CNTNAP2: variants seen among roughly 807,000 people sequenced by gnomAD.
The protein encoded by CNTNAP2 is contactin-associated protein-like 2.
In CNTNAP2, 98 loss-of-function variants were observed where a neutral mutation model predicts 155.2. That is an observed-to-expected ratio of 0.63 (90% confidence interval 0.54 to 0.75). The LOEUF is 0.75. CNTNAP2 is among the 30% of genes least tolerant of loss of function. The probability of loss-of-function intolerance (pLI) is 0.00; values close to 1 mark genes in which losing one functional copy is unlikely to be tolerated. For synonymous variants in CNTNAP2, 651 were observed against 631.2 expected, an observed-to-expected ratio of 1.03 and a Z score of -0.47; for missense variants, 1,727 against 1,688.1, an observed-to-expected ratio of 1.02 and a Z score of -0.40.
chr7:147,284,072 G>C (rs1011257432), intron 8 of CNTNAP2, among the ~76,000 whole-genome samples: 4 of 151,454 alleles, frequency 2.6e-5, no homozygotes, highest in African/African-American at 9.7e-5. Flanking sequence ...TTAATGTTTA[G>C]AGTCATCCAG....
chr7:147,217,476 C>G (rs2116585647), intron 8 of CNTNAP2, among the ~76,000 whole-genome samples: 1 of 151,830 alleles, frequency 6.6e-6, no homozygotes, highest in African/African-American at 2.4e-5. Context: ...AAATATTGAA[C>G]CAGTCTTGTA....
chr7:147,094,281 GTAT>G (rs764883286), intron 4 of CNTNAP2, among the ~76,000 whole-genome samples: 3 of 151,898 alleles, frequency 2.0e-5, no homozygotes, highest in Non-Finnish European at 4.4e-5. Context: ...GGCCACTTAG[GTAT>G]ACCTTAAGAA....
intron 13 of CNTNAP2, among the ~76,000 whole-genome samples, chr7:147,821,210 G>T (rs553416957): frequency 1.3e-4 from 20 of 152,024 alleles, no homozygotes; most frequent in Non-Finnish European, 2.8e-4. Flanking sequence ...ATTATGAAAA[G>T]ATTAATTTTT....
intron 1 of CNTNAP2, among the ~76,000 whole-genome samples, chr7:146,654,570 A>C (rs2129164585): frequency 6.6e-6 from 1 of 152,314 alleles, no homozygotes; most frequent in African/African-American, 2.4e-5. Flanking sequence ...ATACAGAAAT[A>C]GTCAAAAAAT....
chr7:147,893,101 G>A (rs993782834), intron 13 of CNTNAP2, among the ~76,000 whole-genome samples: 1 of 152,274 alleles, frequency 6.6e-6, no homozygotes, highest in East Asian at 1.9e-4. Flanking sequence ...TATTAACATA[G>A]AACAATGTAG....
At chr7:148,045,173 C>T (rs1022977844) in intron 15 of CNTNAP2, among the ~76,000 whole-genome samples, 1 of 152,168 alleles carries the variant, frequency 6.6e-6, no homozygotes, top group African/African-American at 2.4e-5. Flanking sequence ...CAGCCTGCCT[C>T]TCAGGGCCAA....
At chr7:147,429,715 C>A (rs1797436123) in intron 10 of CNTNAP2, among the ~76,000 whole-genome samples, 1 of 152,076 alleles carries the variant, frequency 6.6e-6, no homozygotes, top group African/African-American at 2.4e-5. Context: ...AGTCTTTGAT[C>A]CATCTTGAGT....
chr7:147,339,165 C>G (rs66529387), intron 9 of CNTNAP2, among the ~76,000 whole-genome samples: 4 of 150,708 alleles, frequency 2.7e-5, no homozygotes, highest in African/African-American at 9.8e-5. Context: ...ATAACTATTG[C>G]TATTGCTGTG....
intron 1 of CNTNAP2, among the ~76,000 whole-genome samples, chr7:146,653,467 CTA>C (rs1799948444): frequency 6.6e-6 from 1 of 152,094 alleles, no homozygotes; most frequent in Admixed American, 6.6e-5. Flanking sequence ...GAGAATGTCT[CTA>C]TGTTTAATAA....
At chr7:147,453,383 T>G (rs1383938990) in intron 10 of CNTNAP2, among the ~76,000 whole-genome samples, 1 of 152,160 alleles carries the variant, frequency 6.6e-6, no homozygotes, top group Non-Finnish European at 1.5e-5. Flanking sequence ...CTTTTCTCAT[T>G]ATTGTGTACC....
intron 1 of CNTNAP2, among the ~76,000 whole-genome samples, chr7:146,742,521 T>C (rs749836568): frequency 3.3e-5 from 5 of 152,194 alleles, no homozygotes; most frequent in African/African-American, 4.8e-5. Flanking sequence ...GAGGTGATAA[T>C]TTTAAGTCAA....
intron 10 of CNTNAP2, among the ~76,000 whole-genome samples, chr7:147,461,236 A>C (rs546697475): frequency 1.3e-5 from 2 of 152,246 alleles, no homozygotes; most frequent in Non-Finnish European, 2.9e-5. Context: ...TCAAGTTTAG[A>C]TTTCAGTAAT....
chr7:147,609,123 G>T (rs1282748200), intron 12 of CNTNAP2, among the ~76,000 whole-genome samples: 1 of 152,176 alleles, frequency 6.6e-6, no homozygotes, highest in Non-Finnish European at 1.5e-5. Flanking sequence ...TTGAACTTCT[G>T]TAGACTAATG....
chr7:148,066,982 C>A (rs1042507930), intron 15 of CNTNAP2, among the ~76,000 whole-genome samples: 50 of 152,152 alleles, frequency 3.3e-4, no homozygotes, highest in African/African-American at 9.6e-4. Context: ...ATGTATTTCT[C>A]TAGAGATTTT....
At chr7:146,134,973 T>C (rs1409954047) in intron 1 of CNTNAP2, among the ~76,000 whole-genome samples, 1 of 151,894 alleles carries the variant, frequency 6.6e-6, no homozygotes, top group Non-Finnish European at 1.5e-5. Flanking sequence ...TTGGAATAGT[T>C]TCAGAAGGAA....
intron 9 of CNTNAP2, among the ~76,000 whole-genome samples, chr7:147,303,756 G>A (rs1794982079): frequency 1.3e-5 from 2 of 152,074 alleles, no homozygotes; most frequent in Admixed American, 1.3e-4. Flanking sequence ...TTAAACCTGG[G>A]ATCTGACCCT....
At chr7:146,464,630 AT>A (rs1347306729) in intron 1 of CNTNAP2, among the ~76,000 whole-genome samples, 3 of 151,920 alleles carry the variant, frequency 2.0e-5, no homozygotes, top group East Asian at 1.9e-4. Context: ...CACAGCTAAT[AT>A]TTTCACTATT....
Position 148,041,515 on chromosome 7 carries a change from G to A in CNTNAP2, c.2383+63526G>A, listed in dbSNP as rs993560165. On this transcript the variant is annotated intron_variant, in intron 15 of 23. Transcript: ENST00000361727. Reference sequence around the variant, plus strand: ...TCAACCCTAGATTAATCTGAGTGTCGCTTTTGCTGCCACTACTTAACAAGA... The same window carrying A: ...TCAACCCTAGATTAATCTGAGTGTCACTTTTGCTGCCACTACTTAACAAGA... 3.9e-5 allele frequency among the ~76,000 whole-genome samples: 6 copies of A among 152,294 alleles called. No individual in the cohort carries two copies. The South Asian group carries it at 8.3e-4, about 21-fold the overall frequency.
At chr7:147,240,101 C>G (rs568693566) in intron 8 of CNTNAP2, among the ~76,000 whole-genome samples, 1 of 152,096 alleles carries the variant, frequency 6.6e-6, no homozygotes, top group Non-Finnish European at 1.5e-5. Flanking sequence ...ATCCATAGAA[C>G]GAGGACAACC....
Sources: gnomAD v4.1 joint callset for allele counts (sites outside exome capture counted in the v4.1 genomes callset) on GRCh38, gnomAD v4.1.1 for gene constraint, MANE v1.5 for transcripts, NCBI Gene and HGNC (gene_info 2026-07-23, HGNC 2026-07-21) for gene names.